SLC5A4: variants seen among roughly 807,000 people sequenced by gnomAD.
SLC5A4 encodes solute carrier family 5 member 4.
SLC5A4 carries 55 observed loss-of-function variants against 70.3 expected under a neutral mutation model. That is an observed-to-expected ratio of 0.78 (90% CI 0.63 to 0.98). The LOEUF (loss-of-function observed/expected upper bound fraction) is 0.98, where lower values mean the gene tolerates loss of function less well. Ranked by LOEUF, SLC5A4 falls within the 50% of genes least tolerant of loss-of-function variation. The probability of loss-of-function intolerance (pLI) is 0.00; values close to 1 mark genes in which losing one functional copy is unlikely to be tolerated. For synonymous variants in SLC5A4, 268 were observed against 305.7 expected (o/e 0.88, Z 1.29); for missense variants, 735 against 839.2 (o/e 0.88, Z 1.53).
Position 32,248,746 on chromosome 22 carries a change from C to T in SLC5A4, c.369G>A (p.Ser123=), listed in dbSNP as rs142645380. Residue 123 remains serine (S), a synonymous_variant, in exon 4 of 15, where the codon TCG becomes TCA. Transcript: ENST00000266086. ...CATTTTGGTAACAGATACTCACCCCCGACTTGATGTAGATAGGGACAAAGA... is the reference window on the plus strand; with the variant it reads ...CATTTTGGTAACAGATACTCACCCCTGACTTGATGTAGATAGGGACAAAGA... ...GWIFVPIYIK[S]GVMTMPEYLK... 2.1e-4 allele frequency: 341 copies of T among 1,610,358 alleles called. 3 individuals are homozygous for T. The South Asian group carries it at 2.3e-3, about 11-fold the overall frequency.
chr22:32,260,072 T>G (rs1927685217), upstream of SLC5A4, among the ~76,000 whole-genome samples: 1 of 152,168 alleles, frequency 6.6e-6, no homozygotes, highest in Admixed American at 6.5e-5. Flanking sequence ...GCTGGGGGAC[T>G]CAGGGGCTTG....
At chr22:32,248,593 G>A (rs566157643) in intron 4 of SLC5A4, 150 bp downstream of exon 4, 31 of 637,942 alleles carry the variant, frequency 4.9e-5, no homozygotes, top group African/African-American at 4.5e-4. Context: ...CAGGAAGATG[G>A]ATTTGAGACT....
the SLC5A4 span, among the ~76,000 whole-genome samples, chr22:32,314,997 C>T: frequency 3.4e-4 from 52 of 152,288 alleles, no homozygotes; most frequent in South Asian, 8.5e-3. Context: ...GCTTTGGGTA[C>T]AGCCACAGCC....
At chr22:32,253,900 C>T (rs1383202985) in intron 2 of SLC5A4, among the ~76,000 whole-genome samples, 1 of 152,020 alleles carries the variant, frequency 6.6e-6, no homozygotes, top group East Asian at 1.9e-4. Flanking sequence ...CCTGCCTCAG[C>T]CTCCTGAGTA....
At chr22:32,267,910 G>T in the SLC5A4 span, among the ~76,000 whole-genome samples, 5 of 152,068 alleles carry the variant, frequency 3.3e-5, no homozygotes, top group Non-Finnish European at 5.9e-5. Flanking sequence ...GGATCACGAG[G>T]TCAGGAGATT....
At chr22:32,321,025 C>T in the SLC5A4 span, among the ~76,000 whole-genome samples, 5 of 152,332 alleles carry the variant, frequency 3.3e-5, no homozygotes, top group South Asian at 2.1e-4. Flanking sequence ...CGGTGGCTCA[C>T]GCCTATAATC....
chr22:32,349,102 G>A, the SLC5A4 span, among the ~76,000 whole-genome samples: 1 of 152,086 alleles, frequency 6.6e-6, no homozygotes, highest in Non-Finnish European at 1.5e-5. Context: ...AGCCTCCCGA[G>A]TAGCTGGGAT....
At chr22:32,313,847 A>C in the SLC5A4 span, among the ~76,000 whole-genome samples, 1 of 152,188 alleles carries the variant, frequency 6.6e-6, no homozygotes, top group Non-Finnish European at 1.5e-5. Context: ...TCTTGCATGC[A>C]TGAGAATGAA....
the SLC5A4 span, among the ~76,000 whole-genome samples, chr22:32,292,176 A>C: frequency 3.5e-5 from 2 of 56,692 alleles, no homozygotes; most frequent in African/African-American, 6.8e-5. Context: ...TATATACTAG[A>C]TATTATATAT....
chr22:32,323,164 CAGCT>C, the SLC5A4 span, among the ~76,000 whole-genome samples: 1 of 152,172 alleles, frequency 6.6e-6, no homozygotes, highest in Non-Finnish European at 1.5e-5. Context: ...CAACAGCTTA[CAGCT>C]TAGCTCTGTC....
the SLC5A4 span, among the ~76,000 whole-genome samples, chr22:32,344,659 C>CA: frequency 2.3e-3 from 355 of 152,238 alleles, 2 homozygotes; most frequent in African/African-American, 7.4e-3. Context: ...TTTCATCATA[C>CA]ACATTAAAAA....
At chr22:32,304,446 TTTTC>T in the SLC5A4 span, among the ~76,000 whole-genome samples, 3 of 41,500 alleles carry the variant, frequency 7.2e-5, no homozygotes, top group Non-Finnish European at 1.1e-4. Flanking sequence ...CCAGCTTGTT[TTTTC>T]TTTTTCTTTT....
the SLC5A4 span, chr22:32,269,727 A>T: frequency 1.6e-6 from 1 of 627,344 alleles, no homozygotes; most frequent in Non-Finnish European, 3.1e-6. This position sits in a 1 kb window ranked among gnomAD's most constrained non-coding sequence, Gnocchi z 4.1. Context: ...CACCACAGGC[A>T]CCGCAGCTTT....
At chr22:32,270,640 G>A in the SLC5A4 span, 39,953 of 728,840 alleles carry the variant, frequency 0.055, 1,869 homozygotes, top group Admixed American at 0.18. Flanking sequence ...CGAAAACATC[G>A]GGGACAACCA....
chr22:32,279,436 C>A, the SLC5A4 span, among the ~76,000 whole-genome samples: 7 of 152,246 alleles, frequency 4.6e-5, no homozygotes, highest in South Asian at 2.1e-4. Flanking sequence ...GTGGCACAAC[C>A]AAGGAAGAGG....
chr22:32,257,041 GA>G (rs1351782730), upstream of SLC5A4, among the ~76,000 whole-genome samples: 1 of 152,218 alleles, frequency 6.6e-6, no homozygotes, highest in Non-Finnish European at 1.5e-5. Flanking sequence ...GTGCATAGGA[GA>G]GTTAATTTCT....
the SLC5A4 span, among the ~76,000 whole-genome samples, chr22:32,351,767 T>G: frequency 0.027 from 977 of 36,308 alleles, no homozygotes; most frequent in Non-Finnish European, 0.04. Flanking sequence ...GGTGGGCGGG[T>G]GGAATACAAT....
the SLC5A4 span, among the ~76,000 whole-genome samples, chr22:32,286,413 G>GT: frequency 6.6e-6 from 1 of 152,170 alleles, no homozygotes; most frequent in Non-Finnish European, 1.5e-5. Flanking sequence ...GCTCTGTGTT[G>GT]AGATTGTGGA....
the SLC5A4 span, among the ~76,000 whole-genome samples, chr22:32,308,915 TCATC>T: frequency 1.2e-4 from 18 of 152,204 alleles, no homozygotes; most frequent in Admixed American, 5.2e-4. Flanking sequence ...CCCAATAACT[TCATC>T]CAGGTCTGTT....
Sources: gnomAD v4.1 joint callset for allele counts (sites outside exome capture counted in the v4.1 genomes callset) on GRCh38, gnomAD v4.1.1 for gene constraint, Gnocchi (gnomAD v3.1) non-coding constraint, MANE v1.5 for transcripts, NCBI Gene and HGNC (gene_info 2026-07-23, HGNC 2026-07-21) for gene names.